CACNB4: variants seen among roughly 807,000 people sequenced by gnomAD.
CACNB4 encodes voltage-dependent L-type calcium channel subunit beta-4.
Under a neutral mutation model 71.2 loss-of-function variants are expected in CACNB4, and 32 were observed. The observed-to-expected ratio is 0.45, with a 90% CI of 0.34 to 0.60. The LOEUF is 0.60. CACNB4 is among the 20% of genes least tolerant of loss of function. The probability of loss-of-function intolerance (pLI) is 0.01; values close to 1 mark genes in which losing one functional copy is unlikely to be tolerated. For synonymous variants in CACNB4, 231 were observed against 236.9 expected (o/e 0.97, Z 0.23); for missense variants, 464 against 647.9 (o/e 0.72, Z 3.08).
intron 2 of CACNB4, among the ~76,000 whole-genome samples, chr2:151,915,491 T>A (rs1386299552): frequency 6.6e-6 from 1 of 152,220 alleles, no homozygotes; most frequent in Non-Finnish European, 1.5e-5. Flanking sequence ...GGGTGCTGGC[T>A]GCCCCTCCCC....
At chr2:151,880,983 T>C (rs982361634) in intron 3 of CACNB4, 61 bp from the exon 4 acceptor site, 5 of 1,493,546 alleles carry the variant, frequency 3.3e-6, no homozygotes, top group African/African-American at 1.4e-5. Flanking sequence ...ATTTTTCATA[T>C]TGAAACTCTG....
chr2:151,930,499 G>A (rs1265054616), intron 2 of CACNB4, among the ~76,000 whole-genome samples: 2 of 152,118 alleles, frequency 1.3e-5, no homozygotes, highest in Admixed American at 6.5e-5. Context: ...TAATACACAT[G>A]ACTGCACAAA....
intron 4 of CACNB4, among the ~76,000 whole-genome samples, chr2:151,878,338 T>A (rs1339488545): frequency 3.3e-5 from 5 of 152,138 alleles, no homozygotes; most frequent in Non-Finnish European, 7.3e-5. Flanking sequence ...AAATATGTTC[T>A]GGTAAGAATT....
intron 2 of CACNB4, among the ~76,000 whole-genome samples, chr2:152,076,230 C>T (rs1211060421): frequency 6.9e-6 from 1 of 145,484 alleles, no homozygotes; most frequent in Non-Finnish European, 1.5e-5. Context: ...GCAACCTCTG[C>T]CTCCCAGGTA....
chr2:151,843,824 C>G (rs1165311283), intron 12 of CACNB4, among the ~76,000 whole-genome samples: 3 of 152,148 alleles, frequency 2.0e-5, no homozygotes, highest in Non-Finnish European at 4.4e-5. Context: ...CTCTTCTGTG[C>G]TTAGAACAAG....
chr2:151,893,329 C>T (rs542267987), intron 2 of CACNB4, among the ~76,000 whole-genome samples: 46 of 152,222 alleles, frequency 3.0e-4, no homozygotes, highest in Admixed American at 1.6e-3. Context: ...GCAACATCTG[C>T]CTCCCAGGCT....
Position 151,896,885 on chromosome 2 carries a change from C to A in CACNB4, c.148-13515G>T, listed in dbSNP as rs1373550282. 3.9e-5 allele frequency among the ~76,000 whole-genome samples: 6 copies of A among 152,262 alleles called. No homozygotes were observed. In the East Asian group the frequency reaches 9.6e-4, roughly 24 times the overall value. On this transcript the variant is annotated intron_variant, in intron 2 of 13. Coordinates refer to ENST00000539935, the MANE Select transcript of CACNB4 (RefSeq NM_000726.5). Reference sequence around the variant, plus strand: ...ATTATCCACACTGAAGTAAACAAGGCTTAGAGACACTAAATAAGATGCCCA... The same window carrying A: ...ATTATCCACACTGAAGTAAACAAGGATTAGAGACACTAAATAAGATGCCCA...
intron 2 of CACNB4, among the ~76,000 whole-genome samples, chr2:151,980,484 T>C (rs747799143): frequency 6.6e-6 from 1 of 152,216 alleles, no homozygotes; most frequent in Non-Finnish European, 1.5e-5. Context: ...AATTGGTGAA[T>C]TAATAGCTGT....
At chr2:151,844,903 T>C (rs934449864) in intron 12 of CACNB4, among the ~76,000 whole-genome samples, 1 of 152,220 alleles carries the variant, frequency 6.6e-6, no homozygotes, top group Non-Finnish European at 1.5e-5. Flanking sequence ...TGGGTCTCAT[T>C]CTATAATATG....
chr2:151,848,216 G>A (rs57389554), intron 12 of CACNB4, among the ~76,000 whole-genome samples: 21,467 of 152,130 alleles, frequency 0.14, 2,476 homozygotes, highest in East Asian at 0.49. Flanking sequence ...CCCCTAACTC[G>A]ATATACCCAA....
chr2:152,029,507 A>AAGAAAAG (rs1553815870), intron 2 of CACNB4, among the ~76,000 whole-genome samples: 6 of 104,746 alleles, frequency 5.7e-5, no homozygotes, highest in African/African-American at 1.6e-4. Flanking sequence ...AAAAAAAAAA[A>AAGAAAAG]AAAAGAAAAG....
Position 152,098,183 on chromosome 2 carries a change from T to G in CACNB4, c.147+147A>C, listed in dbSNP as rs1302432400. On this transcript the variant is annotated intron_variant, in intron 2 of 13. Transcript: ENST00000539935. This position sits in a 1 kb window ranked among gnomAD's most constrained non-coding sequence, Gnocchi z 5.3. Reference sequence around the variant, plus strand: ...GAGCCCAGGCTAGAGGGAGAGGGACTGAGCCCGAGCACCGGCCGAGGCCGG... The same window carrying G: ...GAGCCCAGGCTAGAGGGAGAGGGACGGAGCCCGAGCACCGGCCGAGGCCGG... The G allele has an allele frequency of 1.6e-6, 1 of 625,920 alleles. No homozygotes were observed. Among genetic ancestry groups the G allele is most frequent in the Non-Finnish European group, 2.8e-6 (1 of 353,460 alleles). The allele number at this position is 625,920 out of a possible 1,614,324, so 38.8% of individuals were successfully genotyped here.
chr2:151,877,242 T>C (rs2099846667), intron 4 of CACNB4, among the ~76,000 whole-genome samples: 1 of 152,088 alleles, frequency 6.6e-6, no homozygotes, highest in South Asian at 2.1e-4. Context: ...ACGTGGTCTC[T>C]GTTACAATTA....
Position 151,842,023 on chromosome 2 carries a change from G to A in CACNB4, c.1182C>T (p.Tyr394=). The A allele has an allele frequency of 1.2e-6, 2 of 1,613,772 alleles. No homozygotes were observed. Among genetic ancestry groups the A allele is most frequent in the Non-Finnish European group, 8.5e-7 (1 of 1,179,786 alleles). The part of the protein sequence containing the change: ...LEDACEHLGE[Y]LEAYWRATHT... ...GGGTGGCACGCCAGTACGCCTCCAGGTACTCCCCTAGATGTTCACATGCAT... is the reference window on the plus strand; with the variant it reads ...GGGTGGCACGCCAGTACGCCTCCAGATACTCCCCTAGATGTTCACATGCAT... Residue 394 remains tyrosine, a synonymous_variant, in exon 13 of 14, where the codon TAC becomes TAT. Coordinates refer to ENST00000539935, the MANE Select transcript of CACNB4 (RefSeq NM_000726.5).
chr2:151,915,573 T>C (rs2099857264), intron 2 of CACNB4, among the ~76,000 whole-genome samples: 1 of 152,186 alleles, frequency 6.6e-6, no homozygotes, highest in South Asian at 2.1e-4. Flanking sequence ...CCAGGCACAG[T>C]GGCTCATGCA....
intron 2 of CACNB4, among the ~76,000 whole-genome samples, chr2:151,974,563 C>T (rs1328249442): frequency 6.6e-6 from 1 of 152,312 alleles, no homozygotes; most frequent in Non-Finnish European, 1.5e-5. Context: ...ATGTTTAATG[C>T]TCTTTAGTTG....
chr2:152,061,909 G>A (rs1378833006), intron 2 of CACNB4, among the ~76,000 whole-genome samples: 1 of 151,796 alleles, frequency 6.6e-6, no homozygotes, highest in Admixed American at 6.6e-5. Context: ...CTACTCGGGA[G>A]GCTGAGAGAG....
rs1455128118 is a variant in CACNB4 at position 151,841,936 on chromosome 2, G to C, written c.1269C>G (p.Leu423=). 1.9e-6 allele frequency: 3 copies of C among 1,613,806 alleles called. No individual in the cohort carries two copies. The highest frequency in any genetic ancestry group is 2.5e-6 in the Non-Finnish European group (3 of 1,179,884). Residue 423 remains leucine (L), a synonymous_variant, in exon 13 of 14, where the codon CTC becomes CTG. Coordinates refer to ENST00000539935, the MANE Select transcript of CACNB4 (RefSeq NM_000726.5). Reference sequence around the variant, plus strand: ...CAGAAATTGCTGTGGGATATGGTGAGAGTGCCGTGGAGCCCAAATTCCTTC... The same window carrying C: ...CAGAAATTGCTGTGGGATATGGTGACAGTGCCGTGGAGCCCAAATTCCTTC... ...LLGRNLGSTA[L]SPYPTAISGL...
intron 2 of CACNB4, among the ~76,000 whole-genome samples, chr2:151,902,917 G>A (rs763177622): frequency 1.3e-5 from 2 of 152,142 alleles, no homozygotes; most frequent in East Asian, 1.9e-4. Flanking sequence ...TGCTACTATC[G>A]GGTTAAAATA....
Sources: allele counts gnomAD v4.1 joint callset (sites outside exome capture counted in the v4.1 genomes callset), GRCh38; gene constraint gnomAD v4.1.1; non-coding constraint Gnocchi (gnomAD v3.1); transcripts MANE v1.5; gene names NCBI Gene and HGNC (gene_info 2026-07-23, HGNC 2026-07-21).